STRBP: variants seen among roughly 807,000 people sequenced by gnomAD.
The protein encoded by STRBP is spermatid perinuclear RNA-binding protein.
Under a neutral mutation model 80.1 loss-of-function variants are expected in STRBP, and 13 were observed. The ratio of observed to expected loss-of-function variants is 0.16; its 90% confidence interval spans 0.11 to 0.26. The LOEUF is 0.26. Among genes scored for constraint, STRBP ranks in the 10% least tolerant of loss-of-function variants. The pLI, the probability that STRBP is intolerant of heterozygous loss-of-function variation, is 1.00. For missense variants in STRBP, 485 were observed against 815.2 expected (o/e 0.59, Z 4.93); for synonymous variants, 284 against 291.2 (o/e 0.98, Z 0.25).
At chr9:123,250,368 ATATAATAG>A (rs1373859847) in intron 1 of STRBP, among the ~76,000 whole-genome samples, 2 of 152,238 alleles carry the variant, frequency 1.3e-5, no homozygotes, top group African/African-American at 4.8e-5. Context: ...TTGTGTTAAC[ATATAATAG>A]TTTATTAGCA....
chr9:123,172,904 C>T (rs1239147549), intron 5 of STRBP, among the ~76,000 whole-genome samples: 1 of 152,124 alleles, frequency 6.6e-6, no homozygotes, highest in Non-Finnish European at 1.5e-5. Flanking sequence ...TAGAGGCCAA[C>T]ATCTATTTCT....
rs567459275 is a variant in STRBP at position 123,197,134 on chromosome 9, A to G, written c.-164-12836T>C. ...GTCATTAGGTTAAATGAAGTAAGCC[A>G]GACACAGAAAAAAAAACTTCAAATG... On this transcript the variant is annotated intron_variant, in intron 2 of 18. Coordinates refer to ENST00000348403, the MANE Select transcript of STRBP (RefSeq NM_018387.5). 2.0e-5 allele frequency among the ~76,000 whole-genome samples: 3 copies of G among 152,362 alleles called. No homozygotes were observed. In the East Asian group the frequency reaches 5.8e-4, roughly 29 times the overall value.
intron 2 of STRBP, among the ~76,000 whole-genome samples, chr9:123,199,282 T>A (rs2039222654): frequency 6.6e-6 from 1 of 152,228 alleles, no homozygotes; most frequent in Admixed American, 6.5e-5. Context: ...GGTAACTGTA[T>A]CCTCGTAGTA....
intron 2 of STRBP, among the ~76,000 whole-genome samples, chr9:123,225,811 T>C (rs553204824): frequency 1.4e-4 from 22 of 152,350 alleles, no homozygotes; most frequent in African/African-American, 5.0e-4. Context: ...CCAGACTCAA[T>C]TTCTGTTGCT....
intron 13 of STRBP, among the ~76,000 whole-genome samples, chr9:123,139,925 C>T (rs959873292): frequency 6.6e-6 from 1 of 152,114 alleles, no homozygotes; most frequent in Non-Finnish European, 1.5e-5. Context: ...TACAGGATGA[C>T]AAATATAAAC....
chr9:123,214,170 A>ACG (rs1193347930), intron 2 of STRBP, among the ~76,000 whole-genome samples: 1 of 151,900 alleles, frequency 6.6e-6, no homozygotes, highest in Non-Finnish European at 1.5e-5. Context: ...ACACACACAC[A>ACG]CACACACACA....
At chr9:123,250,764 T>G (rs936113135) in intron 1 of STRBP, among the ~76,000 whole-genome samples, 1 of 152,172 alleles carries the variant, frequency 6.6e-6, no homozygotes, top group Non-Finnish European at 1.5e-5. Flanking sequence ...GGCAAAAACA[T>G]CAACCATTCT....
chr9:123,243,075 C>T (rs972915481), intron 1 of STRBP, among the ~76,000 whole-genome samples: 1 of 151,570 alleles, frequency 6.6e-6, no homozygotes, highest in Admixed American at 6.6e-5. Context: ...TATTATATAG[C>T]CACAGTAATC....
intron 1 of STRBP, among the ~76,000 whole-genome samples, chr9:123,245,658 G>A (rs1036494079): frequency 1.3e-5 from 2 of 152,170 alleles, no homozygotes; most frequent in Admixed American, 6.5e-5. Context: ...TGGGATTACA[G>A]GCGTGAGCCA....
chr9:123,161,627 T>C (rs376637936), intron 6 of STRBP, among the ~76,000 whole-genome samples: 32 of 152,288 alleles, frequency 2.1e-4, no homozygotes, highest in East Asian at 9.6e-4. Context: ...CACCCCATGA[T>C]TGAGAACTCA....
At chr9:123,190,286 A>G (rs1177127006) in intron 2 of STRBP, among the ~76,000 whole-genome samples, 1 of 120,948 alleles carries the variant, frequency 8.3e-6, no homozygotes, top group Non-Finnish European at 1.6e-5. Context: ...TCTCAGAAAG[A>G]AAAAAAAAAA....
chr9:123,238,656 T>C (rs1294304929), intron 1 of STRBP, among the ~76,000 whole-genome samples: 1 of 152,172 alleles, frequency 6.6e-6, no homozygotes, highest in African/African-American at 2.4e-5. Context: ...CGTATGCAAA[T>C]GAATTGATAA....
chr9:123,205,339 C>CAATA (rs1193825684), intron 2 of STRBP, among the ~76,000 whole-genome samples: 3 of 152,144 alleles, frequency 2.0e-5, no homozygotes, highest in Non-Finnish European at 2.9e-5. Context: ...AAGGGTAAAC[C>CAATA]AATACCTTGG....
intron 1 of STRBP, among the ~76,000 whole-genome samples, chr9:123,260,611 G>A (rs755893788): frequency 2.6e-5 from 4 of 152,090 alleles, no homozygotes; most frequent in African/African-American, 2.4e-5. Context: ...TTAATTTAGG[G>A]GGTTAAAATA....
chr9:123,215,096 T>C (rs184900843), intron 2 of STRBP, among the ~76,000 whole-genome samples: 1 of 152,220 alleles, frequency 6.6e-6, no homozygotes, highest in Admixed American at 6.5e-5. Flanking sequence ...AGATGGGCTC[T>C]TACTCTGTCA....
intron 6 of STRBP, among the ~76,000 whole-genome samples, chr9:123,163,418 T>G (rs990811091): frequency 1.3e-5 from 2 of 152,172 alleles, no homozygotes; most frequent in Non-Finnish European, 2.9e-5. Flanking sequence ...AGACAACACA[T>G]TCTATGAAAA....
rs1287800597 is a variant in STRBP, at chr9:123,171,751, T to C, written c.391-1705A>G. ...CTTCTCCTAATTTCCACCATTAGTC[T>C]TAAGAGTTCACACCTCTTTTACCTT... On this transcript the variant is annotated intron_variant, in intron 5 of 18. Transcript: ENST00000348403. Among the ~76,000 whole-genome samples the C allele has an allele frequency of 6.6e-5, 10 of 152,312 alleles. No individual in the cohort carries two copies. The East Asian group carries it at 1.9e-3, about 29-fold the overall frequency.
intron 6 of STRBP, among the ~76,000 whole-genome samples, chr9:123,169,334 G>C (rs113489837): frequency 6.6e-6 from 1 of 151,948 alleles, no homozygotes; most frequent in East Asian, 1.9e-4. Context: ...ACGCCTGGCT[G>C]ATTTTTTTGT....
chr9:123,206,782 G>C (rs1163435368), intron 2 of STRBP, among the ~76,000 whole-genome samples: 2 of 152,026 alleles, frequency 1.3e-5, no homozygotes, highest in Non-Finnish European at 2.9e-5. Context: ...GGAATTACAG[G>C]CACCCGCCAC....
Sources: gnomAD v4.1 joint callset for allele counts (sites outside exome capture counted in the v4.1 genomes callset) on GRCh38, gnomAD v4.1.1 for gene constraint, MANE v1.5 for transcripts, NCBI Gene and HGNC (gene_info 2026-07-23, HGNC 2026-07-21) for gene names.